Variants in HR observed in about 807,000 individuals in gnomAD.
The protein encoded by HR is lysine-specific demethylase hairless.
In HR, 83 loss-of-function variants were observed where a neutral mutation model predicts 128.6. The ratio of observed to expected loss-of-function variants is 0.65; its 90% confidence interval spans 0.54 to 0.77. HR has a LOEUF of 0.77. Among genes scored for constraint, HR ranks in the 30% least tolerant of loss-of-function variants. The probability of loss-of-function intolerance (pLI) is 0.00; values close to 1 mark genes in which losing one functional copy is unlikely to be tolerated. For synonymous variants in HR, 681 were observed against 658.2 expected, an observed-to-expected ratio of 1.03 and a Z score of -0.53; for missense variants, 1,490 against 1,574.6, an observed-to-expected ratio of 0.95 and a Z score of 0.91.
chr8:22,123,617 T>TCACCCCCC, intron 6 of HR, 32 bp downstream of exon 6: 11 of 292,092 alleles, frequency 3.8e-5, no homozygotes, highest in South Asian at 6.1e-5. Context: ...GAGGGCTCCA[T>TCACCCCCC]CCCGCCCTCC....
chr8:22,120,228 C>T, intron 12 of HR, 55 bp from the exon 13 acceptor site: 6 of 1,598,424 alleles, frequency 3.8e-6, no homozygotes, highest in South Asian at 1.1e-5. Context: ...GCCCCTGCCC[C>T]GGCGGCAGCA....
chr8:22,128,618 G>A lies in HR; in HGVS notation c.553C>T (p.Pro185Ser). ...HPCDWPLTPH[P>S]WVYSGGQPKV... ...GGCTGGCCCCCGGAGTATACCCAGG[G>A]GTGCGGGGTCAGGGGCCAGTCACAT... Residue 185 changes from proline (P) to serine (S), a missense_variant, in exon 2 of 19, where the codon CCC becomes TCC. By Grantham distance (74) the Pro-to-Ser change is moderately conservative. This residue lies in a region of HR where 1,060 missense variants were observed against 1,060.9 expected (regional missense o/e 1.00). Coordinates refer to ENST00000381418, the MANE Select transcript of HR (RefSeq NM_005144.5). The A allele has an allele frequency of 3.7e-6, 6 of 1,605,798 alleles. No homozygotes were observed. Among genetic ancestry groups the A allele is most frequent in the Non-Finnish European group, 5.1e-6 (6 of 1,177,048 alleles).
intron 3 of HR, among the ~76,000 whole-genome samples, chr8:22,126,473 G>C (rs576519661): frequency 6.6e-6 from 1 of 152,232 alleles, no homozygotes; most frequent in African/African-American, 2.4e-5. Context: ...ACCTGGCCAA[G>C]AGAGCAGCCA....
chr8:22,127,481 C>A lies in HR; in HGVS notation c.961G>T (p.Val321Phe). ...GATGAACAGCAGCCCCGCTGGGTGA[C>A]AGGCGGCTCAGGAGAGGGGCACCTT... ...TPRCPSPEPP[V>F]TQRGCCSSYP... Residue 321 changes from valine (V) to phenylalanine (F), a missense_variant, in exon 3 of 19, where the codon GTC (valine) becomes TTC (phenylalanine). Coordinates refer to ENST00000381418, the MANE Select transcript of HR (RefSeq NM_005144.5). 6.2e-7 allele frequency: 1 copy of A among 1,611,058 alleles called. No individual in the cohort carries two copies. Among genetic ancestry groups the A allele is most frequent in the Non-Finnish European group, 8.5e-7 (1 of 1,178,298 alleles).
intron 1 of HR, 85 bp from the exon 2 acceptor site, chr8:22,129,295 G>A: frequency 1.7e-6 from 2 of 1,202,258 alleles, no homozygotes; most frequent in Non-Finnish European, 2.3e-6. Flanking sequence ...CACCGCCCTG[G>A]CAACACTGAG....
rs1448007629 is a variant in HR at position 22,120,477 on chromosome 8, A to T, written c.2641T>A (p.Leu881Met). 6.2e-7 allele frequency: 1 copy of T among 1,613,848 alleles called. No homozygotes were observed. Among genetic ancestry groups the T allele is most frequent in the Non-Finnish European group, 8.5e-7 (1 of 1,180,022 alleles). ...TCTGTCCCCCACAGGTTGCCCTGCA[A>T]TGTCCTTTGGATCCCTGACACCAAC... The part of the protein sequence containing the change: ...PVLVSGIQRT[L>M]QGNLWGTEAL... The change falls in exon 12 of 19, where the codon TTG becomes ATG. Residue 881 changes from leucine (L) to methionine (M), a missense_variant. Transcript: ENST00000381418.
In HR at chr8:22,125,642, C is replaced by T. The variant is rs1586382393; in HGVS notation, c.1496G>A (p.Ser499Asn). 5 of 1,612,412 alleles carry T rather than the reference C, an allele frequency of 3.1e-6. No individual in the cohort carries two copies. Among genetic ancestry groups the T allele is most frequent in the Non-Finnish European group, 3.4e-6 (4 of 1,179,526 alleles). Residue 499 changes from serine (S) to asparagine (N), a missense_variant, in exon 4 of 19, where the codon AGT becomes AAT. Physicochemically the swap from Ser to Asn is conservative, Grantham distance 46. This residue lies in a region of HR where 1,060 missense variants were observed against 1,060.9 expected (regional missense o/e 1.00). Coordinates refer to ENST00000381418, the MANE Select transcript of HR (RefSeq NM_005144.5). ...TCCCTCTCCAGCTGCCTGGGCACAA[C>T]TTTGGCATTGAGCCAGTTTTGCAGG... ...ALPAKLAQCQ[S>N]CAQAAGEGGG...
In HR at chr8:22,120,490, C is replaced by A; in HGVS notation, c.2628G>T (p.Gly876=). 5 of 1,613,928 alleles carry A rather than the reference C, an allele frequency of 3.1e-6. No homozygotes were observed. The highest frequency in any genetic ancestry group is 4.2e-6 in the Non-Finnish European group (5 of 1,180,026). The change falls in exon 12 of 19, where the codon GGG becomes GGT. Residue 876 remains glycine, a synonymous_variant. Transcript: ENST00000381418. ...WRQGQPVLVS[G]IQRTLQGNLW... ...GGTTGCCCTGCAATGTCCTTTGGAT[C>A]CCTGACACCAACACAGGCTGTGGTG...
intron 8 of HR, 26 bp from the exon 9 acceptor site, chr8:22,121,720 C>CA (rs1826760867): frequency 6.2e-7 from 1 of 1,605,008 alleles, no homozygotes; most frequent in Non-Finnish European, 8.5e-7. Context: ...ACCACCCCCC[C>CA]AATCCAACCA....
At chr8:22,126,993 G>A in intron 3 of HR, 44 bp downstream of exon 3, 2 of 1,561,340 alleles carry the variant, frequency 1.3e-6, no homozygotes, top group Non-Finnish European at 8.7e-7. Context: ...AGCCCCGGCT[G>A]CCCCCTCCCA....
chr8:22,125,992 C>T lies in HR; in HGVS notation c.1406-260G>A, dbSNP rs147874937. 4.4e-3 allele frequency among the ~76,000 whole-genome samples: 677 copies of T among 152,332 alleles called. 2 individuals are homozygous for T. Among genetic ancestry groups the T allele is most frequent in the Non-Finnish European group, 7.1e-3 (485 of 68,044 alleles). On this transcript the variant is annotated intron_variant, in intron 3 of 18. Transcript: ENST00000381418. ...GTTGTCTGGTGTGTTGAGCCCAAGG[C>T]TTTGGGCAGCTGGGGCGATCGTCCT...
chr8:22,115,410 G>A lies in HR; in HGVS notation c.*290C>T. The A allele has an allele frequency of 1.8e-6, 1 of 553,762 alleles. No individual in the cohort carries two copies. The highest frequency in any genetic ancestry group is 3.3e-6 in the Non-Finnish European group (1 of 306,482). The allele number at this position is 553,762 out of a possible 1,614,324, so 34.3% of individuals were successfully genotyped here. A position where few individuals can be genotyped will look rare whatever the true frequency, so the allele number is the denominator to read the frequency against. ...GCTGTTTGTCTCCTGGGTCTCGGAGGAGTGGGGATTGGAGGAAGTCAATTG... is the reference window on the plus strand; with the variant it reads ...GCTGTTTGTCTCCTGGGTCTCGGAGAAGTGGGGATTGGAGGAAGTCAATTG... On this transcript the variant is annotated 3_prime_UTR_variant, in exon 19 of 19. Transcript: ENST00000381418.
In HR at chr8:22,122,513, G is replaced by A. The variant is rs749687274; in HGVS notation, c.2101C>T (p.Pro701Ser). The A allele has an allele frequency of 6.2e-7, 1 of 1,610,352 alleles. No homozygotes were observed. The highest frequency in any genetic ancestry group is 1.3e-5 in the African/African-American group (1 of 74,956). Reference sequence around the variant, plus strand: ...CTTACCTGCTGGCCTGCATCCCCGGGGGCCCATACCCGGGCATCAGCTTGG... The same window carrying A: ...CTTACCTGCTGGCCTGCATCCCCGGAGGCCCATACCCGGGCATCAGCTTGG... ...PCQADARVWAPGDAGQQKEST... is the reference protein window; with the variant it reads ...PCQADARVWASGDAGQQKEST... Residue 701 changes from proline (P) to serine (S), a missense_variant, in exon 8 of 19, where the codon CCC (proline) becomes TCC (serine). Transcript: ENST00000381418.
chr8:22,130,037 ACTT>A (rs1827009301), intron 1 of HR, among the ~76,000 whole-genome samples: 2 of 152,156 alleles, frequency 1.3e-5, no homozygotes, highest in African/African-American at 2.4e-5. Context: ...GCCGCTGGAA[ACTT>A]CAGCCTGGCG....
At chr8:22,124,261 A>T (rs1826830489) in intron 5 of HR, among the ~76,000 whole-genome samples, 1 of 152,080 alleles carries the variant, frequency 6.6e-6, no homozygotes. Flanking sequence ...ATAGGGTCTC[A>T]CTCTGTCATC....
intron 16 of HR, chr8:22,117,926 C>T (rs1826632702): frequency 1.3e-5 from 2 of 152,326 alleles, no homozygotes; most frequent in Non-Finnish European, 2.9e-5. Flanking sequence ...CAGCTCCATC[C>T]TGGAGCTGAG....
rs1826812463 is a variant in HR at position 22,123,660 on chromosome 8, C to T, written c.1904G>A (p.Arg635Lys). The T allele has an allele frequency of 7.8e-7, 1 of 1,275,584 alleles. No homozygotes were observed. The highest frequency in any genetic ancestry group is 1.0e-6 in the Non-Finnish European group (1 of 978,398). 79.0% of individuals were successfully genotyped at this position (1,275,584 alleles called of 1,614,324 possible). ...CGRVAGTGRA[R>K]EKAGFQEQSA... ...AGCCCCTCTCCTACCTGCTTTCTCC[C>T]TGGCCCGCCCAGTGCCTGCCACACG... Residue 635 changes from arginine (R) to lysine (K), a missense_variant, in exon 6 of 19, where the codon AGG becomes AAG. Arg to Lys is a conservative substitution (Grantham distance 26). Around this residue, in one of 3 missense-constraint regions of HR, gnomAD observed 1,060 missense variants for 1,060.9 expected, o/e 1.00. Transcript: ENST00000381418.
chr8:22,122,853 A>C lies in HR; in HGVS notation c.1942T>G (p.Cys648Gly). Residue 648 changes from cysteine (C) to glycine (G), a missense_variant, in exon 7 of 19, where the codon TGC becomes GGC. This residue lies in a region of HR where 1,060 missense variants were observed against 1,060.9 expected (regional missense o/e 1.00). Coordinates refer to ENST00000381418, the MANE Select transcript of HR (RefSeq NM_005144.5). ...AGFQEQSAEECTQEAGHAACS... is the reference protein window; with the variant it reads ...AGFQEQSAEEGTQEAGHAACS... ...GCAGCGTGCCCGGCCTCCTGCGTGCACTCCTCCGCGGACTGCTCCTGAAAG... is the reference window on the plus strand; with the variant it reads ...GCAGCGTGCCCGGCCTCCTGCGTGCCCTCCTCCGCGGACTGCTCCTGAAAG... 6.4e-6 allele frequency: 10 copies of C among 1,554,458 alleles called. No homozygotes were observed. The highest frequency in any genetic ancestry group is 8.7e-6 in the Non-Finnish European group (10 of 1,149,100).
At chr8:22,127,885 T>C (rs768183254) in intron 2 of HR, 56 bp from the exon 3 acceptor site, 173 of 1,511,188 alleles carry the variant, frequency 1.1e-4, no homozygotes, top group Admixed American at 2.7e-4. Flanking sequence ...CATGCCTAAA[T>C]GGATGGGCAG....
Sources: allele counts gnomAD v4.1 joint callset (sites outside exome capture counted in the v4.1 genomes callset), GRCh38; gene constraint gnomAD v4.1.1; regional missense constraint gnomAD v4.1.1; transcripts MANE v1.5; gene names NCBI Gene and HGNC (gene_info 2026-07-23, HGNC 2026-07-21).